The following TJP2 variants were observed in gnomAD, a reference collection of about 807,000 sequenced individuals.
The protein encoded by TJP2 is tight junction protein 2.
Under a neutral mutation model 133.1 loss-of-function variants are expected in TJP2, and 91 were observed. The observed-to-expected ratio is 0.68, with a 90% confidence interval of 0.58 to 0.81. TJP2 has a LOEUF of 0.81. TJP2 is among the 40% of genes least tolerant of loss of function. The pLI, the probability that TJP2 is intolerant of heterozygous loss-of-function variation, is 0.00. For missense variants in TJP2, 1,541 were observed against 1,565.6 expected (o/e 0.98, Z 0.26); for synonymous variants, 592 against 583.4 (o/e 1.01, Z -0.21).
At chr9:69,206,175 G>A (rs942785167) in intron 1 of TJP2, among the ~76,000 whole-genome samples, 2 of 152,064 alleles carry the variant, frequency 1.3e-5, no homozygotes, top group African/African-American at 4.8e-5. Flanking sequence ...CACTACTTAC[G>A]TGAAAAGTAA....
intron 1 of TJP2, among the ~76,000 whole-genome samples, chr9:69,130,044 AAAAG>A (rs1822426202): frequency 1.3e-5 from 2 of 151,856 alleles, no homozygotes; most frequent in Non-Finnish European, 2.9e-5. Flanking sequence ...AAAAAGAAAA[AAAAG>A]AAAAAGAAAG....
chr9:69,249,579 G>C, intron 20 of TJP2, 94 bp downstream of exon 20: 1 of 1,546,904 alleles, frequency 6.5e-7, no homozygotes, highest in Non-Finnish European at 8.7e-7. Context: ...ACACTGAGAT[G>C]GTGTTTAATT....
At chr9:69,124,380 T>C (rs1822255807) in intron 1 of TJP2, among the ~76,000 whole-genome samples, 1 of 76,398 alleles carries the variant, frequency 1.3e-5, no homozygotes, top group Non-Finnish European at 3.0e-5. Context: ...AAATTATTAT[T>C]ATTATTTTTT....
intron 7 of TJP2, 84 bp from the exon 8 acceptor site, chr9:69,227,681 T>C: frequency 1.1e-6 from 1 of 942,606 alleles, no homozygotes; most frequent in Non-Finnish European, 1.6e-6. Context: ...CCGTGTTTCC[T>C]ACCCAGAGAA....
At chr9:69,205,021 G>A in intron 1 of TJP2, 1 of 1,417,422 alleles carries the variant, frequency 7.1e-7, no homozygotes. Flanking sequence ...ATATGGATGT[G>A]TCACTGTGTG....
intron 1 of TJP2, among the ~76,000 whole-genome samples, chr9:69,195,919 C>T (rs1225067635): frequency 6.6e-6 from 1 of 152,310 alleles, no homozygotes; most frequent in East Asian, 1.9e-4. Flanking sequence ...TGATTGAATC[C>T]ATGATTGGTC....
intron 13 of TJP2, 66 bp downstream of exon 13, chr9:69,236,304 C>A (rs998304799): frequency 1.3e-6 from 2 of 1,518,696 alleles, no homozygotes; most frequent in African/African-American, 2.7e-5. Flanking sequence ...TAGAGACCGC[C>A]CCCCTTCCCC....
intron 18 of TJP2, 50 bp from the exon 19 acceptor site, chr9:69,247,962 C>T (rs1396285843): frequency 1.3e-6 from 2 of 1,508,910 alleles, no homozygotes; most frequent in East Asian, 2.3e-5. Flanking sequence ...AGTCCCCACT[C>T]CCAGGAGCCA....
chr9:69,243,808 T>C (rs1830730278), intron 17 of TJP2, among the ~76,000 whole-genome samples: 1 of 151,952 alleles, frequency 6.6e-6, no homozygotes, highest in Non-Finnish European at 1.5e-5. Context: ...TTAGAGGGGG[T>C]CTAGCGTGCC....
chr9:69,173,827 ACAGTCGGGC>A (rs745736074), upstream of TJP2, among the ~76,000 whole-genome samples: 36 of 152,210 alleles, frequency 2.4e-4, no homozygotes, highest in Non-Finnish European at 1.3e-4. Flanking sequence ...AACACCGCGG[ACAGTCGGGC>A]CAGCAGCGCC....
chr9:69,182,510 A>T (rs968826262), intron 1 of TJP2, among the ~76,000 whole-genome samples: 6 of 152,136 alleles, frequency 3.9e-5, no homozygotes, highest in Admixed American at 3.3e-4. Flanking sequence ...TAGTCTACTT[A>T]TACTATTTAA....
intron 11 of TJP2, 128 bp downstream of exon 11, chr9:69,230,360 C>T: frequency 8.3e-7 from 1 of 1,207,822 alleles, no homozygotes; most frequent in Non-Finnish European, 1.2e-6. Context: ...TTGTTGATGC[C>T]CAGCATTGAA....
intron 16 of TJP2, 105 bp downstream of exon 16, chr9:69,238,894 T>C: frequency 9.4e-7 from 1 of 1,062,536 alleles, no homozygotes; most frequent in Non-Finnish European, 1.4e-6. Flanking sequence ...TAAATGTTAA[T>C]AATAAAAAAT....
At chr9:69,156,733 G>GTTAGCCAGGA (rs1823787442) in intron 2 of TJP2, among the ~76,000 whole-genome samples, 1 of 151,534 alleles carries the variant, frequency 6.6e-6, no homozygotes, top group Non-Finnish European at 1.5e-5. Context: ...GGGTTTCACC[G>GTTAGCCAGGA]TGGTCTCGAT....
chr9:69,236,303 C>A, intron 13 of TJP2, 65 bp downstream of exon 13: 5 of 1,513,274 alleles, frequency 3.3e-6, no homozygotes, highest in South Asian at 1.1e-5. Context: ...CTAGAGACCG[C>A]CCCCCTTCCC....
chr9:69,173,588 C>T (rs1824810973), upstream of TJP2, among the ~76,000 whole-genome samples: 1 of 152,158 alleles, frequency 6.6e-6, no homozygotes, highest in African/African-American at 2.4e-5. Context: ...ATATTTAATA[C>T]GAACATCTTA....
Position 69,167,030 on chromosome 9 carries a change from C to A in TJP2, c.-10+15259C>A, listed in dbSNP as rs1824394710. Among the ~76,000 whole-genome samples the A allele has an allele frequency of 2.0e-5, 3 of 151,466 alleles. 1 individual carries two copies. Among genetic ancestry groups the A allele is most frequent in the African/African-American group, 7.3e-5 (3 of 41,320 alleles). On this transcript the variant is annotated intron_variant, in intron 2 of 5. Transcript: ENST00000423935. ...GGAGAATCACTTGAGGTCAGGAGTT[C>A]AAAACCAGCCTGGCCAACATGGTGA... is the stretch of plus-strand genomic sequence containing the variant.
chr9:69,250,165 C>T (rs1474363552), intron 20 of TJP2, among the ~76,000 whole-genome samples: 1 of 152,164 alleles, frequency 6.6e-6, no homozygotes, highest in African/African-American at 2.4e-5. Context: ...TGCAGTGGTG[C>T]AATCTCGGCT....
Position 69,221,512 on chromosome 9 carries a change from G to A in TJP2, c.952+16G>A. The A allele has an allele frequency of 6.3e-7, 1 of 1,599,002 alleles. No homozygotes were observed. The highest frequency in any genetic ancestry group is 8.5e-7 in the Non-Finnish European group (1 of 1,172,340). On this transcript the variant is annotated intron_variant, in intron 5 of 22. Coordinates refer to ENST00000377245, the MANE Select transcript of TJP2 (RefSeq NM_004817.4). Reference sequence around the variant, plus strand: ...GCGAACGAAGGTAGGCATGCTTGATGTGGGAAGAAAAGCACTGTTGTGATA... The same window carrying A: ...GCGAACGAAGGTAGGCATGCTTGATATGGGAAGAAAAGCACTGTTGTGATA...
Sources: gnomAD v4.1 joint callset for allele counts (sites outside exome capture counted in the v4.1 genomes callset) on GRCh38, gnomAD v4.1.1 for gene constraint, MANE v1.5 for transcripts, NCBI Gene and HGNC (gene_info 2026-07-23, HGNC 2026-07-21) for gene names.